Variants in SACS observed in about 807,000 individuals in gnomAD.
SACS encodes sacsin.
A neutral mutation model predicts 348.0 loss-of-function variants in SACS; 197 were observed. The observed-to-expected ratio is 0.57, with a 90% CI of 0.50 to 0.64. SACS has a LOEUF of 0.64. SACS is among the 30% of genes least tolerant of loss of function. The pLI is 0.00. For synonymous variants in SACS, 1,985 were observed against 1,910.6 expected (o/e 1.04, Z -1.02); for missense variants, 4,999 against 5,360.8 (o/e 0.93, Z 2.11).
intron 2 of SACS, among the ~76,000 whole-genome samples, chr13:23,406,317 G>A (rs1034323693): frequency 2.6e-5 from 4 of 151,930 alleles, no homozygotes; most frequent in Non-Finnish European, 5.9e-5. Flanking sequence ...CTCGTAAGTG[G>A]GAGTTGAACG....
At position 23,396,323 on chromosome 13, in the gene SACS, C is replaced by CAA. The variant is rs61118133; in HGVS notation, c.20+14895_20+14896dup. ...TGGGCGACAGAGCCAGAATCTGTCT[C>CAA]AAAAAAAAAAAAAAAAGAACTTATA... On this transcript the variant is annotated intron_variant, in intron 2 of 9. Coordinates refer to ENST00000382292, the MANE Select transcript of SACS (RefSeq NM_014363.6). 2.0e-3 allele frequency among the ~76,000 whole-genome samples: 221 copies of CAA among 110,762 alleles called. 1 individual carries two copies. The highest frequency in any genetic ancestry group is 5.3e-3 in the African/African-American group (155 of 29,170). The allele number at this position is 110,762 out of a possible 152,430, so 72.7% of individuals were successfully genotyped here. A position where few individuals can be genotyped will look rare whatever the true frequency, so the allele number is the denominator to read the frequency against.
At chr13:23,404,987 A>G (rs577844969) in intron 2 of SACS, among the ~76,000 whole-genome samples, 1 of 152,320 alleles carries the variant, frequency 6.6e-6, no homozygotes, top group Admixed American at 6.5e-5. Flanking sequence ...ATACTGCCCA[A>G]AGTAATTTAT....
At chr13:23,400,227 T>A (rs1029869768) in intron 2 of SACS, among the ~76,000 whole-genome samples, 2 of 152,162 alleles carry the variant, frequency 1.3e-5, no homozygotes, top group Admixed American at 1.3e-4. Context: ...AGGTTAAATC[T>A]TTTTCCCTTG....
chr13:23,398,442 G>A (rs1419883570), intron 2 of SACS, among the ~76,000 whole-genome samples: 1 of 149,858 alleles, frequency 6.7e-6, no homozygotes, highest in East Asian at 2.0e-4. Context: ...GCTGAGGCAG[G>A]AGAATTGCTT....
At chr13:23,398,325 G>A (rs572815028) in intron 2 of SACS, among the ~76,000 whole-genome samples, 2 of 152,130 alleles carry the variant, frequency 1.3e-5, no homozygotes, top group Non-Finnish European at 2.9e-5. Context: ...CTGAGGTCAG[G>A]AGTTCGAGAC....
Position 23,336,132 on chromosome 13 carries a change from G to C in SACS, c.7744C>G (p.Pro2582Ala). The part of the protein sequence containing the change: ...VDRIFDDKWA[P>A]LQGPALCVYN... ...ACACAAAGTGCTGGCCCTTGCAATG[G>C]GGCCCACTTATCATCAAATATTCTA... Residue 2582 changes from proline (P) to alanine (A), a missense_variant, in exon 10 of 10, where the codon CCA becomes GCA. Physicochemically the swap from Pro to Ala is conservative, Grantham distance 27. Coordinates refer to ENST00000382292, the MANE Select transcript of SACS (RefSeq NM_014363.6). The C allele has an allele frequency of 1.2e-6, 2 of 1,613,016 alleles. No homozygotes were observed. The highest frequency in any genetic ancestry group is 2.2e-5 in the South Asian group (2 of 91,016).
intron 9 of SACS, among the ~76,000 whole-genome samples, chr13:23,343,725 A>G (rs997041293): frequency 2.0e-5 from 3 of 152,180 alleles, no homozygotes; most frequent in Non-Finnish European, 2.9e-5. Context: ...GGAAAATATT[A>G]TAAGAGGAAT....
At position 23,340,480 on chromosome 13, in the gene SACS, T is replaced by A. The variant is rs866644676; in HGVS notation, c.3396A>T (p.Leu1132Phe). Residue 1132 changes from leucine (L) to phenylalanine (F), a missense_variant, in exon 10 of 10, where the codon TTA (leucine) becomes TTT (phenylalanine). Physicochemically the swap from Leu to Phe is conservative, Grantham distance 22. Around this residue, in one of 6 missense-constraint regions of SACS, gnomAD observed 3,156 missense variants for 3,380.1 expected, o/e 0.93. Transcript: ENST00000382292. ...DVLLKKAKTLLLVLNKNHTLL... is the reference protein window; with the variant it reads ...DVLLKKAKTLFLVLNKNHTLL... ...GTGTGTGATTCTTATTTAAAACCAGTAAGAGGGTTTTGGCTTTCTTCAGAA... is the reference window on the plus strand; with the variant it reads ...GTGTGTGATTCTTATTTAAAACCAGAAAGAGGGTTTTGGCTTTCTTCAGAA... The A allele has an allele frequency of 3.1e-6, 5 of 1,612,734 alleles. No homozygotes were observed. In the East Asian group the frequency reaches 1.1e-4, roughly 36 times the overall value.
intron 1 of SACS, among the ~76,000 whole-genome samples, chr13:23,431,444 C>T (rs868834111): frequency 6.6e-6 from 1 of 152,150 alleles, no homozygotes; most frequent in East Asian, 1.9e-4. Context: ...AAAGGAAAGA[C>T]GGCAGGAGAA....
At chr13:23,347,699 C>G (rs189986716) in intron 9 of SACS, among the ~76,000 whole-genome samples, 138 of 152,134 alleles carry the variant, frequency 9.1e-4, no homozygotes, top group African/African-American at 3.2e-3. Context: ...TAAACAGGTA[C>G]CAGTGTGTGA....
intron 2 of SACS, among the ~76,000 whole-genome samples, chr13:23,380,926 T>A (rs1223196364): frequency 6.6e-6 from 1 of 151,952 alleles, no homozygotes; most frequent in Non-Finnish European, 1.5e-5. Context: ...AAATTTGGGG[T>A]TCATTATTTA....
rs186506382 is a variant in SACS at position 23,365,280 on chromosome 13, A to T, written c.346-3T>A. 26 of 1,558,106 alleles carry T rather than the reference A, an allele frequency of 1.7e-5. No homozygotes were observed. The highest frequency in any genetic ancestry group is 1.4e-4 in the Admixed American group (8 of 56,726). On this transcript the variant is annotated splice_region_variant and splice_polypyrimidine_tract_variant and intron_variant, in intron 5 of 9. Transcript: ENST00000382292. Reference sequence around the variant, plus strand: ...TCTTCTGCATTCTGAATTAATTCCTAACCAAAAAATATACCAAAAAATAGT... The same window carrying T: ...TCTTCTGCATTCTGAATTAATTCCTTACCAAAAAATATACCAAAAAATAGT...
chr13:23,396,111 G>A (rs946847999), intron 2 of SACS, among the ~76,000 whole-genome samples: 17 of 151,990 alleles, frequency 1.1e-4, no homozygotes, highest in Non-Finnish European at 1.6e-4. Context: ...ATTATTTGAC[G>A]TCAGGAGTTC....
chr13:23,370,562 ATCT>A (rs1442084172), intron 4 of SACS, among the ~76,000 whole-genome samples: 1 of 152,150 alleles, frequency 6.6e-6, no homozygotes, highest in Non-Finnish European at 1.5e-5. Flanking sequence ...AGATCTCCAG[ATCT>A]TCTTTATTCA....
chr13:23,348,696 G>A (rs149214536), intron 9 of SACS, among the ~76,000 whole-genome samples: 8 of 152,318 alleles, frequency 5.3e-5, no homozygotes, highest in Admixed American at 2.0e-4. Flanking sequence ...GGTGACACAT[G>A]AGCTCAGTAC....
intron 2 of SACS, among the ~76,000 whole-genome samples, chr13:23,377,179 G>A (rs577285070): frequency 6.6e-6 from 1 of 152,350 alleles, no homozygotes; most frequent in Non-Finnish European, 1.5e-5. Flanking sequence ...TTTCTTTGGG[G>A]ATGGTGGAAA....
chr13:23,378,386 C>G (rs564136423), intron 2 of SACS, among the ~76,000 whole-genome samples: 1 of 152,162 alleles, frequency 6.6e-6, no homozygotes, highest in Non-Finnish European at 1.5e-5. Flanking sequence ...TGAGCTGCAC[C>G]CACCATTTCA....
At position 23,330,994 on chromosome 13, in the gene SACS, G is replaced by A. The variant is rs769768838; in HGVS notation, c.12882C>T (p.Ser4294=). The A allele has an allele frequency of 5.6e-6, 9 of 1,613,866 alleles. No individual in the cohort carries two copies. The East Asian group carries it at 1.8e-4, about 32-fold the overall frequency. The change falls in exon 10 of 10, where the codon TCC becomes TCT. Residue 4294 remains serine (S), a synonymous_variant. Transcript: ENST00000382292. ...ESHKTSSKHQ[S]PKKLKVNSLP... ...AAGAATTAACCTTAAGCTTTTTGGG[G>A]GACTGATGTTTGGAAGAAGTCTTGT... is the stretch of plus-strand genomic sequence containing the variant.
chr13:23,353,956 G>T, intron 8 of SACS, 80 bp from the exon 9 acceptor site: 1 of 867,288 alleles, frequency 1.2e-6, no homozygotes, highest in Non-Finnish European at 2.0e-6. Context: ...ATATTTTCAA[G>T]TCAGTTAAGC....
Sources: allele counts gnomAD v4.1 joint callset (sites outside exome capture counted in the v4.1 genomes callset), GRCh38; gene constraint gnomAD v4.1.1; regional missense constraint gnomAD v4.1.1; transcripts MANE v1.5; gene names NCBI Gene and HGNC (gene_info 2026-07-23, HGNC 2026-07-21).